Variants in PCNX1 observed in about 807,000 individuals in gnomAD.
The protein encoded by PCNX1 is pecanex 1.
PCNX1 carries 78 observed loss-of-function variants against 242.2 expected under a neutral mutation model. The ratio of observed to expected loss-of-function variants is 0.32; its 90% CI spans 0.27 to 0.39. PCNX1 has a LOEUF of 0.39. Ranked by LOEUF, PCNX1 falls within the 10% of genes least tolerant of loss-of-function variation. PCNX1 has a pLI of 1.00. For synonymous variants in PCNX1, 1,024 were observed against 1,032.9 expected (o/e 0.99, Z 0.17); for missense variants, 2,581 against 2,856.5 (o/e 0.90, Z 2.20).
chr14:71,044,052 C>T (rs1051023594), intron 19 of PCNX1, among the ~76,000 whole-genome samples: 7 of 152,178 alleles, frequency 4.6e-5, no homozygotes, highest in Non-Finnish European at 8.8e-5. Context: ...TCTGGTTGTG[C>T]ACGGTAGTGT....
chr14:71,080,747 A>G (rs1187190575), intron 28 of PCNX1, among the ~76,000 whole-genome samples: 3 of 152,206 alleles, frequency 2.0e-5, no homozygotes, highest in Non-Finnish European at 2.9e-5. Context: ...GAAGTTGCCT[A>G]TCAGCTTAAG....
intron 1 of PCNX1, among the ~76,000 whole-genome samples, chr14:70,928,784 A>C (rs972790398): frequency 6.6e-6 from 1 of 152,198 alleles, no homozygotes; most frequent in Non-Finnish European, 1.5e-5. Flanking sequence ...ATACTGGGAG[A>C]CAAATCTGTA....
chr14:70,996,180 C>T (rs1316124258), intron 8 of PCNX1, among the ~76,000 whole-genome samples: 1 of 151,966 alleles, frequency 6.6e-6, no homozygotes, highest in Non-Finnish European at 1.5e-5. Flanking sequence ...AATATATGTT[C>T]ACACTCAATT....
intron 33 of PCNX1, among the ~76,000 whole-genome samples, chr14:71,106,131 A>G (rs1595519382): frequency 6.6e-6 from 1 of 151,808 alleles, no homozygotes; most frequent in Middle Eastern, 3.4e-3. Context: ...CTCCTACCTC[A>G]GCCTCCCGAG....
chr14:70,910,189 CTCCTCCTCCTCCTCCTCG>C lies in PCNX1; in HGVS notation c.153+2204_153+2221del, dbSNP rs1566808869. 7.8e-4 allele frequency among the ~76,000 whole-genome samples: 31 copies of C among 39,630 alleles called. 5 individuals carry two copies. Among genetic ancestry groups the C allele is most frequent in the East Asian group, 1.4e-3 (2 of 1,406 alleles). The allele number at this position is 39,630 out of a possible 152,430, so 26.0% of individuals were successfully genotyped here. A position where few individuals can be genotyped will look rare whatever the true frequency, so the allele number is the denominator to read the frequency against. ...CCTCCTCCTCCTCCTCCTCCTCCTC[CTCCTCCTCCTCCTCCTCG>C]TCCTCCTCCTCCTCCTCCTCCTCTC... On this transcript the variant is annotated intron_variant, in intron 1 of 35. Coordinates refer to ENST00000304743, the MANE Select transcript of PCNX1 (RefSeq NM_014982.3).
chr14:71,020,019 C>G (rs1393942922), intron 12 of PCNX1, among the ~76,000 whole-genome samples: 3 of 151,684 alleles, frequency 2.0e-5, no homozygotes, highest in Non-Finnish European at 4.4e-5. Context: ...ACTTATGAGT[C>G]AGAACATGCA....
Position 70,978,633 on chromosome 14 carries a change from G to T in PCNX1, c.2296G>T (p.Asp766Tyr), listed in dbSNP as rs374814615. The T allele has an allele frequency of 6.2e-7, 1 of 1,611,876 alleles. No individual in the cohort carries two copies. Among genetic ancestry groups the T allele is most frequent in the Non-Finnish European group, 8.5e-7 (1 of 1,178,848 alleles). ...TGCATTTCCTGAAGGGGAAGAGCAA[G>T]ATGCAGTCAGTGGAGGTAAGTAAAC... ...QVAFPEGEEQ[D>Y]AVSGAAQASE... Residue 766 changes from aspartate (D) to tyrosine (Y), a missense_variant, in exon 6 of 36, where the codon GAT becomes TAT. By Grantham distance (160) the Asp-to-Tyr change is radical. Coordinates refer to ENST00000304743, the MANE Select transcript of PCNX1 (RefSeq NM_014982.3).
chr14:70,908,107 G>A, intron 1 of PCNX1, 104 bp downstream of exon 1: 1 of 1,098,856 alleles, frequency 9.1e-7, no homozygotes, highest in Non-Finnish European at 1.2e-6. Context: ...TCCCCCGGGG[G>A]CCGCCACCCT....
At chr14:71,103,736 A>C (rs1023718684) in intron 32 of PCNX1, 67 bp downstream of exon 32, 13 of 1,473,610 alleles carry the variant, frequency 8.8e-6, no homozygotes, top group African/African-American at 5.6e-5. Flanking sequence ...GGCAGTGTGC[A>C]TCACCTGGGA....
intron 28 of PCNX1, among the ~76,000 whole-genome samples, chr14:71,084,284 G>A (rs1351706184): frequency 2.6e-5 from 4 of 152,284 alleles, no homozygotes; most frequent in Non-Finnish European, 4.4e-5. Flanking sequence ...GGTGTCTGTC[G>A]ACCCCTGCCC....
chr14:70,982,294 G>A (rs1300158997), intron 6 of PCNX1, among the ~76,000 whole-genome samples: 1 of 152,164 alleles, frequency 6.6e-6, no homozygotes, highest in Non-Finnish European at 1.5e-5. Flanking sequence ...TGGAAAGTTA[G>A]AAGCAGTAAA....
chr14:70,996,904 A>G (rs1269523993), intron 8 of PCNX1, among the ~76,000 whole-genome samples: 2 of 152,158 alleles, frequency 1.3e-5, no homozygotes, highest in African/African-American at 4.8e-5. Flanking sequence ...TTTTGTAAAA[A>G]TGCTGAGTTG....
chr14:71,052,403 G>C (rs2141191475), intron 24 of PCNX1, among the ~76,000 whole-genome samples: 1 of 151,960 alleles, frequency 6.6e-6, no homozygotes, highest in East Asian at 1.9e-4. Context: ...TGTAGAGATG[G>C]AGTTTGACTG....
chr14:71,035,229 A>G (rs555743310), intron 18 of PCNX1, among the ~76,000 whole-genome samples: 1 of 152,264 alleles, frequency 6.6e-6, no homozygotes, highest in South Asian at 2.1e-4. Context: ...CTCAAAAACA[A>G]ACAAAAAATT....
At chr14:70,993,281 C>T (rs950965559) in intron 7 of PCNX1, among the ~76,000 whole-genome samples, 46 of 151,280 alleles carry the variant, frequency 3.0e-4, no homozygotes, top group African/African-American at 9.2e-4. Context: ...CCACCATGCC[C>T]GGCTAATTTT....
chr14:70,920,613 G>A (rs1031840846), intron 1 of PCNX1, among the ~76,000 whole-genome samples: 10 of 152,136 alleles, frequency 6.6e-5, no homozygotes, highest in East Asian at 5.8e-4. Context: ...GACAAATTTC[G>A]TAAAATGAAA....
chr14:71,021,402 T>G (rs1354028776), intron 12 of PCNX1, among the ~76,000 whole-genome samples: 11 of 152,156 alleles, frequency 7.2e-5, no homozygotes, highest in Non-Finnish European at 4.4e-5. Context: ...GCATGGAATG[T>G]TTTTCCATTT....
At chr14:70,967,486 TA>T (rs768668061) in intron 3 of PCNX1, among the ~76,000 whole-genome samples, 1 of 152,224 alleles carries the variant, frequency 6.6e-6, no homozygotes. Flanking sequence ...GGTATTTATT[TA>T]TATGATTTTC....
At chr14:70,913,386 T>C (rs935836310) in intron 1 of PCNX1, among the ~76,000 whole-genome samples, 3 of 152,116 alleles carry the variant, frequency 2.0e-5, no homozygotes, top group East Asian at 1.9e-4. Flanking sequence ...AAATCAAATA[T>C]AAAATTACTG....
Sources: gnomAD v4.1 joint callset for allele counts (sites outside exome capture counted in the v4.1 genomes callset) on GRCh38, gnomAD v4.1.1 for gene constraint, MANE v1.5 for transcripts, NCBI Gene and HGNC (gene_info 2026-07-23, HGNC 2026-07-21) for gene names.